The following PAK3 variants were observed in gnomAD, a reference collection of about 807,000 sequenced individuals.
PAK3 encodes p21 (RAC1) activated kinase 3, also known as serine/threonine-protein kinase PAK 3.
A neutral mutation model predicts 41.0 loss-of-function variants in PAK3; 4 were observed. The observed-to-expected ratio is 0.10, with a 90% confidence interval of 0.05 to 0.22. PAK3 has a LOEUF of 0.22. Ranked by LOEUF, PAK3 falls within the 10% of genes least tolerant of loss-of-function variation. The pLI is 1.00. For missense variants in PAK3, 205 were observed against 409.9 expected, an observed-to-expected ratio of 0.50 and a Z score of 4.32; for synonymous variants, 146 against 139.6, an observed-to-expected ratio of 1.05 and a Z score of -0.32.
At chrX:110,990,627 T>C (rs1006043000) in intron 1 of PAK3, among the ~76,000 whole-genome samples, 1 of 108,276 alleles carries the variant, frequency 9.2e-6, no homozygotes, top group African/African-American at 3.4e-5. Flanking sequence ...ATTCACAGGC[T>C]AGGGCTGGCA....
In PAK3 at chrX:111,210,264, C is replaced by T. The variant is rs2094804600; in HGVS notation, c.1408-6157C>T. ...CAAGAGTACCTTTTCTGTTCAAGAACAGCCAGAGAGAATAAGTTTCTGAAC... is the reference window on the plus strand; with the variant it reads ...CAAGAGTACCTTTTCTGTTCAAGAATAGCCAGAGAGAATAAGTTTCTGAAC... On this transcript the variant is annotated intron_variant, in intron 16 of 17. Coordinates refer to ENST00000372007, the MANE Select transcript of PAK3 (RefSeq NM_002578.5). Among the ~76,000 whole-genome samples the T allele has an allele frequency of 3.6e-5, 4 of 112,057 alleles. No individual in the cohort carries two copies. In the Admixed American group the frequency reaches 3.8e-4, roughly 11 times the overall value.
In PAK3 at chrX:110,955,134, A is replaced by T. The variant is rs1216041767; in HGVS notation, c.-28+10506A>T. Among the ~76,000 whole-genome samples, 3 of 112,264 alleles carry T rather than the reference A, an allele frequency of 2.7e-5. No individual in the cohort carries two copies. In the South Asian group the frequency reaches 1.1e-3, roughly 42 times the overall value. On this transcript the variant is annotated intron_variant, in intron 1 of 14. Transcript: ENST00000425146. ...GACTCATTGATCTACGACTGATACG[A>T]TTCAAACTCATGAACATAACCAAAG...
intron 11 of PAK3, among the ~76,000 whole-genome samples, chrX:111,177,878 T>C (rs1311673376): frequency 8.9e-6 from 1 of 111,995 alleles, no homozygotes. Flanking sequence ...GAGAATGCAC[T>C]GAAAAACAGG....
chrX:111,144,802 A>T (rs775611092), intron 6 of PAK3: 2 of 647,893 alleles, frequency 3.1e-6, no homozygotes, highest in Non-Finnish European at 4.7e-6. Context: ...GATTTTTGGT[A>T]TTCAATGATT....
At chrX:110,964,739 T>A (rs141968012) in intron 1 of PAK3, among the ~76,000 whole-genome samples, 2,577 of 112,184 alleles carry the variant, frequency 0.023, 73 homozygotes, top group African/African-American at 0.078. Flanking sequence ...AATGGATCAA[T>A]GCTGTTGAGA....
chrX:111,189,617 C>T (rs896690523), intron 11 of PAK3, among the ~76,000 whole-genome samples: 1 of 111,693 alleles, frequency 9.0e-6, no homozygotes. Flanking sequence ...AATTGCCATT[C>T]TGACTGGTGA....
intron 1 of PAK3, among the ~76,000 whole-genome samples, chrX:110,947,265 C>T (rs191330167): frequency 2.7e-5 from 3 of 112,016 alleles, no homozygotes; most frequent in Admixed American, 9.4e-5. Context: ...CTTCTTTCCT[C>T]GTCTGGACAA....
chrX:111,014,332 T>TC (rs1284159514), intron 1 of PAK3, among the ~76,000 whole-genome samples: 1 of 111,857 alleles, frequency 8.9e-6, no homozygotes, highest in African/African-American at 3.2e-5. Flanking sequence ...ACCTTTTTTT[T>TC]CAAGTAAAAA....
intron 8 of PAK3, among the ~76,000 whole-genome samples, chrX:111,155,187 G>T (rs1218907473): frequency 9.0e-6 from 1 of 110,953 alleles, no homozygotes; most frequent in African/African-American, 3.3e-5. Flanking sequence ...GGTAAACATG[G>T]ACATAAAGAA....
chrX:111,218,501 C>T (rs2094900609), intron 17 of PAK3, among the ~76,000 whole-genome samples: 1 of 111,701 alleles, frequency 9.0e-6, no homozygotes, highest in African/African-American at 3.3e-5. Flanking sequence ...GTCTTCTGGG[C>T]CTTAAAGAAG....
At chrX:111,178,874 G>A (rs1603354534) in intron 11 of PAK3, among the ~76,000 whole-genome samples, 2 of 108,493 alleles carry the variant, frequency 1.8e-5, no homozygotes. Context: ...CTGCAACACT[G>A]CCCCAGCATA....
intron 1 of PAK3, among the ~76,000 whole-genome samples, chrX:110,961,028 A>G (rs1254775494): frequency 9.0e-6 from 1 of 110,860 alleles, no homozygotes; most frequent in East Asian, 2.8e-4. Flanking sequence ...TTAACCCTAT[A>G]TTATAGTGGT....
At chrX:111,212,251 G>T (rs1262200626) in intron 16 of PAK3, among the ~76,000 whole-genome samples, 1 of 111,883 alleles carries the variant, frequency 8.9e-6, no homozygotes, top group Non-Finnish European at 1.9e-5. Context: ...AAACCAACAT[G>T]TTATCACTCA....
At chrX:110,949,923 C>A (rs964972799) in intron 1 of PAK3, among the ~76,000 whole-genome samples, 6 of 111,449 alleles carry the variant, frequency 5.4e-5, no homozygotes, top group African/African-American at 2.0e-4. Flanking sequence ...AATAAAAATT[C>A]TTCCCAAAGA....
intron 5 of PAK3, among the ~76,000 whole-genome samples, chrX:111,129,054 T>G (rs1603278258): frequency 1.8e-5 from 2 of 111,598 alleles, no homozygotes; most frequent in Non-Finnish European, 3.8e-5. Context: ...TTCTATATAC[T>G]CTATACAGCA....
At chrX:111,195,269 T>A (rs1309708410) in intron 14 of PAK3, among the ~76,000 whole-genome samples, 1 of 111,748 alleles carries the variant, frequency 8.9e-6, no homozygotes, top group Admixed American at 9.5e-5. Flanking sequence ...AACATATATG[T>A]TTTCTATTCA....
chrX:111,004,639 T>C (rs2091895950), intron 1 of PAK3, among the ~76,000 whole-genome samples: 1 of 112,322 alleles, frequency 8.9e-6, no homozygotes, highest in South Asian at 3.7e-4. Flanking sequence ...CACACATACT[T>C]GATCAATTTA....
intron 1 of PAK3, among the ~76,000 whole-genome samples, chrX:111,068,575 T>G (rs995241641): frequency 8.8e-6 from 1 of 113,055 alleles, no homozygotes; most frequent in African/African-American, 3.2e-5. Context: ...GTGCTGGGAT[T>G]GCAGGCGTGA....
Position 110,992,369 on chromosome X carries a change from T to C in PAK3, c.-28+47741T>C, listed in dbSNP as rs759578993. ...AGTTTGTTAAGGGCATTGACTGCCATTTCCAGGGAGTGAGATGGAAAGCCA... is the reference window on the plus strand; with the variant it reads ...AGTTTGTTAAGGGCATTGACTGCCACTTCCAGGGAGTGAGATGGAAAGCCA... On this transcript the variant is annotated intron_variant, in intron 1 of 14. Coordinates refer to the PAK3 transcript ENST00000425146. Among the ~76,000 whole-genome samples, 4 of 111,154 alleles carry C rather than the reference T, an allele frequency of 3.6e-5. No individual in the cohort carries two copies. In the Admixed American group the frequency reaches 3.8e-4, roughly 11 times the overall value.
Sources: gnomAD v4.1 joint callset for allele counts (sites outside exome capture counted in the v4.1 genomes callset) on GRCh38, gnomAD v4.1.1 for gene constraint, MANE v1.5 for transcripts, NCBI Gene and HGNC (gene_info 2026-07-23, HGNC 2026-07-21) for gene names.